The following PLCD4 variants were observed in gnomAD, a reference collection of about 807,000 sequenced individuals.
PLCD4 encodes the protein 1-phosphatidylinositol 4,5-bisphosphate phosphodiesterase delta-4.
In PLCD4, 63 loss-of-function variants were observed where a neutral mutation model predicts 90.2. That is an observed-to-expected ratio of 0.70 (90% CI 0.57 to 0.86). The LOEUF is 0.86. Among genes scored for constraint, PLCD4 ranks in the 40% least tolerant of loss-of-function variants. The pLI is 0.00. For synonymous variants in PLCD4, 294 were observed against 356.5 expected (o/e 0.82, Z 1.97); for missense variants, 830 against 956.3 (o/e 0.87, Z 1.74).
chr2:218,616,898 T>TTATATA (rs1174872985), intron 3 of PLCD4, among the ~76,000 whole-genome samples: 417 of 6,236 alleles, frequency 0.067, 100 homozygotes, highest in Non-Finnish European at 0.09. Flanking sequence ...AGCCATTATT[T>TTATATA]TATATATATA....
In PLCD4 at chr2:218,634,089, C is replaced by G. The variant is rs775423356; in HGVS notation, c.1607-16C>G. The G allele has an allele frequency of 2.1e-5, 34 of 1,596,392 alleles. No individual in the cohort carries two copies. The highest frequency in any genetic ancestry group is 2.7e-5 in the Non-Finnish European group (32 of 1,171,450). On this transcript the variant is annotated splice_polypyrimidine_tract_variant and intron_variant, in intron 11 of 15. Coordinates refer to ENST00000450993, the MANE Select transcript of PLCD4 (RefSeq NM_032726.4). The surrounding 1 kb of genome is among the most constrained non-coding windows in gnomAD (Gnocchi z 4.0). The stretch of plus-strand genomic sequence containing the variant: ...TTCCACCCCACTTCCATCTCCCTCT[C>G]TATACCCTTTTACAGGCAATGAGTT...
intron 1 of PLCD4, chr2:218,609,524 G>C (rs1314462655): frequency 6.6e-6 from 1 of 152,166 alleles, no homozygotes; most frequent in African/African-American, 2.4e-5. Context: ...TAATATTTAA[G>C]ACCAACCTTT....
intron 1 of PLCD4, among the ~76,000 whole-genome samples, chr2:218,611,291 AAAGGAGGAAAAAAT>A (rs1695321531): frequency 6.6e-6 from 1 of 152,206 alleles, no homozygotes. Context: ...AGAATTGGAC[AAAGGAGGAAAAAAT>A]AATTTTCTAA....
chr2:218,636,269 C>A lies in PLCD4; in HGVS notation c.2059C>A (p.Leu687Ile), dbSNP rs376674227. Residue 687 changes from leucine to isoleucine, a missense_variant, in exon 15 of 16, where the codon CTA becomes ATA. Leu to Ile is a conservative substitution (Grantham distance 5). Coordinates refer to ENST00000450993, the MANE Select transcript of PLCD4 (RefSeq NM_032726.4). ...TTTTAATCCATACTGGGGGCAGACA[C>A]TATGTTTCCGGGTGCTGGTGCCTGA... is the stretch of plus-strand genomic sequence containing the variant. ...NGFNPYWGQT[L>I]CFRVLVPELA... is the part of the protein sequence containing the mutation. 4 of 1,613,936 alleles carry A rather than the reference C, an allele frequency of 2.5e-6. No individual in the cohort carries two copies. Among genetic ancestry groups the A allele is most frequent in the African/African-American group, 1.3e-5 (1 of 74,936 alleles).
At chr2:218,618,522 C>T (rs1695723740) in intron 3 of PLCD4, 57 bp from the exon 4 acceptor site, 1 of 1,475,534 alleles carries the variant, frequency 6.8e-7, no homozygotes, top group African/African-American at 1.4e-5. Flanking sequence ...CACTCTTAGC[C>T]CCTGCTATTT....
At chr2:218,616,450 G>T (rs1695582097) in intron 3 of PLCD4, among the ~76,000 whole-genome samples, 1 of 152,102 alleles carries the variant, frequency 6.6e-6, no homozygotes, top group South Asian at 2.1e-4. Context: ...GTGGCTCAAT[G>T]CCTGTAATCC....
At chr2:218,631,524 C>T (rs897320562) in intron 9 of PLCD4, among the ~76,000 whole-genome samples, 58 of 152,158 alleles carry the variant, frequency 3.8e-4, no homozygotes, top group African/African-American at 1.3e-3. Context: ...AGGCCAGGCA[C>T]GTTGGTTCAT....
At position 218,618,581 on chromosome 2, in the gene PLCD4, T is replaced by G. The variant is rs759161687; in HGVS notation, c.184T>G (p.Ser62Ala). The change falls in exon 4 of 16, where the codon TCA becomes GCA. Residue 62 changes from serine to alanine, a missense_variant and splice_region_variant. Transcript: ENST00000450993. ...TCCACCTGTTTCTTCTCTGGCAGTC[T>G]CAATCTCTGATGTGGAGACAATACG... ...QARGSAKPSF[S>A]ISDVETIRNG... 1.4e-5 allele frequency: 23 copies of G among 1,613,836 alleles called. No homozygotes were observed. Among genetic ancestry groups the G allele is most frequent in the South Asian group, 4.4e-5 (4 of 91,062 alleles).
chr2:218,616,063 G>A lies in PLCD4; in HGVS notation c.181+1G>A, dbSNP rs752249040. The A allele has an allele frequency of 8.7e-6, 14 of 1,613,124 alleles. No homozygotes were observed. Among genetic ancestry groups the A allele is most frequent in the South Asian group, 3.3e-5 (3 of 91,026 alleles). On this transcript the variant is annotated splice_donor_variant, in intron 3 of 15. Transcript: ENST00000450993. LOFTEE classifies it high-confidence loss of function. ...GCCAGGGGCAGTGCCAAGCCCAGCTGTGAGTGACCTGGATAGTGGGGGGTG... is the reference window on the plus strand; with the variant it reads ...GCCAGGGGCAGTGCCAAGCCCAGCTATGAGTGACCTGGATAGTGGGGGGTG...
intron 1 of PLCD4, among the ~76,000 whole-genome samples, chr2:218,613,324 G>C (rs1416372192): frequency 2.1e-5 from 3 of 146,180 alleles, no homozygotes; most frequent in Non-Finnish European, 4.5e-5. Flanking sequence ...CCGGGAGGTA[G>C]AGGTTGTAGT....
intron 7 of PLCD4, 137 bp from the exon 8 acceptor site, chr2:218,629,382 C>A: frequency 1.0e-6 from 1 of 983,318 alleles, no homozygotes; most frequent in South Asian, 1.7e-5. Flanking sequence ...GGAGAAGGCT[C>A]TATGCAGATG....
Position 218,633,626 on chromosome 2 carries a change from C to T in PLCD4, c.1471C>T (p.Pro491Ser). The change falls in exon 11 of 16, where the codon CCA becomes TCA. Residue 491 changes from proline to serine, a missense_variant. Pro to Ser is a moderately conservative substitution (Grantham distance 74, BLOSUM62 -1). Coordinates refer to ENST00000450993, the MANE Select transcript of PLCD4 (RefSeq NM_032726.4). The stretch of plus-strand genomic sequence containing the variant: ...CCAGAAATCCAAGCCCATCTTGTGT[C>T]CAGCCCTCTCTTCCCTGGTTATCTA... Reference protein sequence around the residue: ...KKKKSKPILCPALSSLVIYLK... With the variant: ...KKKKSKPILCSALSSLVIYLK... 6.2e-7 allele frequency: 1 copy of T among 1,613,684 alleles called. No individual in the cohort carries two copies. The highest frequency in any genetic ancestry group is 8.5e-7 in the Non-Finnish European group (1 of 1,179,600).
At chr2:218,616,732 T>TACAA (rs1695596758) in intron 3 of PLCD4, among the ~76,000 whole-genome samples, 1 of 145,918 alleles carries the variant, frequency 6.9e-6, no homozygotes, top group Non-Finnish European at 1.5e-5. Flanking sequence ...CATATATACA[T>TACAA]ACATACATAC....
chr2:218,628,432 C>T (rs530849268), intron 7 of PLCD4: 3 of 523,034 alleles, frequency 5.7e-6, no homozygotes, highest in African/African-American at 5.6e-5. Flanking sequence ...TGGAACTTCT[C>T]TTTCACAAGC....
intron 3 of PLCD4, 144 bp downstream of exon 3, chr2:218,616,206 T>C (rs1289496057): frequency 3.3e-6 from 3 of 900,136 alleles, no homozygotes; most frequent in Non-Finnish European, 4.9e-6. Context: ...AAGGAGATCA[T>C]AACAGTACTT....
chr2:218,636,940 G>A lies in PLCD4; in HGVS notation c.*363G>A. 1 of 460,332 alleles carries A rather than the reference G, an allele frequency of 2.2e-6. No homozygotes were observed. Among genetic ancestry groups the A allele is most frequent in the Non-Finnish European group, 4.4e-6 (1 of 229,832 alleles). 28.5% of individuals were successfully genotyped at this position (460,332 alleles called of 1,614,324 possible). ...GCAGGTTGCAACTAGAAATTCAGAG[G>A]GGCTTGGAATAGAGAAACCTAAAGA... is the stretch of plus-strand genomic sequence containing the variant. On this transcript the variant is annotated 3_prime_UTR_variant, in exon 16 of 16. Transcript: ENST00000450993.
chr2:218,610,261 C>T (rs939041633), intron 1 of PLCD4, among the ~76,000 whole-genome samples: 1 of 152,058 alleles, frequency 6.6e-6, no homozygotes, highest in African/African-American at 2.4e-5. Context: ...AACCCCAGCA[C>T]TTAGGGAGGC....
At chr2:218,618,548 T>G (rs1343988461) in intron 3 of PLCD4, 31 bp from the exon 4 acceptor site, 1 of 1,594,658 alleles carries the variant, frequency 6.3e-7, no homozygotes, top group Middle Eastern at 1.7e-4. Context: ...AATCCCTTCC[T>G]TAATGCCTCC....
At position 218,634,332 on chromosome 2, in the gene PLCD4, AAATGCT is replaced by A. The variant is rs1423978427; in HGVS notation, c.1723+113_1723+118del. On this transcript the variant is annotated intron_variant, in intron 12 of 15. Coordinates refer to ENST00000450993, the MANE Select transcript of PLCD4 (RefSeq NM_032726.4). This position sits in a 1 kb window ranked among gnomAD's most constrained non-coding sequence, Gnocchi z 4.0. ...TGCTCAAGAAAATTGCTAGGCTGAGAAATGCTATCAGTGGATATTACCAGCAGGTAC... is the reference window on the plus strand; with the variant it reads ...TGCTCAAGAAAATTGCTAGGCTGAGAATCAGTGGATATTACCAGCAGGTAC... 6.4e-7 allele frequency: 1 copy of A among 1,573,466 alleles called. No individual in the cohort carries two copies. Among genetic ancestry groups the A allele is most frequent in the African/African-American group, 1.3e-5 (1 of 74,280 alleles).
Sources: gnomAD v4.1 joint callset for allele counts (sites outside exome capture counted in the v4.1 genomes callset) on GRCh38, gnomAD v4.1.1 for gene constraint, Gnocchi (gnomAD v3.1) non-coding constraint, MANE v1.5 for transcripts, NCBI Gene and HGNC (gene_info 2026-07-23, HGNC 2026-07-21) for gene names.